The following NR2E1 variants were observed in gnomAD, a reference collection of about 807,000 sequenced individuals.
NR2E1 encodes nuclear receptor subfamily 2 group E member 1, also known as nuclear receptor TLX.
NR2E1 carries 5 observed loss-of-function variants against 43.6 expected under a neutral mutation model. The ratio of observed to expected loss-of-function variants is 0.11; its 90% CI spans 0.06 to 0.24. The LOEUF is 0.24. Ranked by LOEUF, NR2E1 falls within the 10% of genes least tolerant of loss-of-function variation. NR2E1 has a pLI of 1.00. For missense variants in NR2E1, 287 were observed against 496.7 expected (o/e 0.58, Z 4.01); for synonymous variants, 191 against 195.5 (o/e 0.98, Z 0.19).
At chr6:108,174,367 G>A (rs1773860977) in intron 2 of NR2E1, among the ~76,000 whole-genome samples, 1 of 152,180 alleles carries the variant, frequency 6.6e-6, no homozygotes, top group Non-Finnish European at 1.5e-5. Context: ...AATCGTTGGT[G>A]GGAGGGCGGT....
intron 2 of NR2E1, among the ~76,000 whole-genome samples, chr6:108,173,158 A>G (rs887715497): frequency 1.3e-5 from 2 of 152,220 alleles, no homozygotes; most frequent in Non-Finnish European, 2.9e-5. Context: ...AGGAGAGTAA[A>G]TGATCAGAGC....
chr6:108,176,411 T>G (rs1773897753), intron 3 of NR2E1, 92 bp from the exon 4 acceptor site: 5 of 1,336,208 alleles, frequency 3.7e-6, no homozygotes, highest in Non-Finnish European at 5.3e-6. Flanking sequence ...CCGCCCAGAC[T>G]TGACATTGGG....
chr6:108,166,464 C>T lies in NR2E1; in HGVS notation c.-302C>T. On this transcript the variant is annotated 5_prime_UTR_variant, in exon 1 of 9. Transcript: ENST00000368986. This position sits in a 1 kb window ranked among gnomAD's most constrained non-coding sequence, Gnocchi z 7.2. The stretch of plus-strand genomic sequence containing the variant: ...TCTCTTGCTGTTCTTCCTTCTTCCT[C>T]AGTCTTCCTGTCCATCTCTCCATCT... 1 of 383,934 alleles carries T rather than the reference C, an allele frequency of 2.6e-6. No individual in the cohort carries two copies. Among genetic ancestry groups the T allele is most frequent in the South Asian group, 6.2e-5 (1 of 16,096 alleles). 23.8% of individuals were successfully genotyped at this position (383,934 alleles called of 1,614,324 possible). A position where few individuals can be genotyped will look rare whatever the true frequency, so the allele number is the denominator to read the frequency against.
At chr6:108,173,934 T>A (rs956718420) in intron 2 of NR2E1, among the ~76,000 whole-genome samples, 1 of 152,236 alleles carries the variant, frequency 6.6e-6, no homozygotes, top group Non-Finnish European at 1.5e-5. Context: ...TTCTCATGCA[T>A]CTCAGATAAA....
chr6:108,181,023 TCGAAGTCTGAA>T (rs1773976047), intron 7 of NR2E1, 67 bp downstream of exon 7: 1 of 1,539,676 alleles, frequency 6.5e-7, no homozygotes, highest in African/African-American at 1.4e-5. Context: ...TTCAGCCACC[TCGAAGTCTGAA>T]CTGACCTTTG....
At chr6:108,167,983 A>G (rs1773738915) in intron 1 of NR2E1, 1 of 1,553,122 alleles carries the variant, frequency 6.4e-7, no homozygotes, top group Non-Finnish European at 8.7e-7. Context: ...GCTGACCTTT[A>G]AAAAATTAGA....
Position 108,176,362 on chromosome 6 carries a change from C to G in NR2E1, c.260-141C>G. 3 of 699,226 alleles carry G rather than the reference C, an allele frequency of 4.3e-6. No individual in the cohort carries two copies. The South Asian group carries it at 5.2e-5, about 12-fold the overall frequency. The allele number at this position is 699,226 out of a possible 1,614,324, so 43.3% of individuals were successfully genotyped here. A position where few individuals can be genotyped will look rare whatever the true frequency, so the allele number is the denominator to read the frequency against. Reference sequence around the variant, plus strand: ...TCAGAATCCCTTCCTCCCTCAGATTCCCTCTCCCTTCTTCTTTTCACCTCT... The same window carrying G: ...TCAGAATCCCTTCCTCCCTCAGATTGCCTCTCCCTTCTTCTTTTCACCTCT... On this transcript the variant is annotated intron_variant, in intron 3 of 8. Transcript: ENST00000368986.
intron 8 of NR2E1, among the ~76,000 whole-genome samples, chr6:108,183,629 A>T (rs1169079020): frequency 6.6e-6 from 1 of 152,006 alleles, no homozygotes; most frequent in African/African-American, 2.4e-5. Flanking sequence ...TCCCAAGTCA[A>T]CTCTGTCCAT....
At chr6:108,181,487 T>C (rs1370951405) in intron 7 of NR2E1, 59 bp from the exon 8 acceptor site, 3 of 1,429,344 alleles carry the variant, frequency 2.1e-6, no homozygotes, top group Non-Finnish European at 3.0e-6. Flanking sequence ...AGCACTGCGC[T>C]CGGCTCCCAG....
At chr6:108,174,677 A>T (rs571293984) in intron 2 of NR2E1, among the ~76,000 whole-genome samples, 159 bp from the exon 3 acceptor site, 23 of 152,138 alleles carry the variant, frequency 1.5e-4, no homozygotes, top group African/African-American at 5.3e-4. Flanking sequence ...GGCCCTGCTC[A>T]TGCCCAAGGC....
At chr6:108,168,277 G>A in intron 1 of NR2E1, 2 of 1,128,962 alleles carry the variant, frequency 1.8e-6, no homozygotes, top group Non-Finnish European at 2.5e-6. Flanking sequence ...ACTGAAGCCC[G>A]TGGGTCTCGG....
rs994155705 is a variant in NR2E1 at position 108,169,588 on chromosome 6, A to C, written c.26-1870A>C. ...GTGTTAAGCAGAGGATGGTTGTAAGATATGGAAACCAAGTTTACCGCTTCC... is the reference window on the plus strand; with the variant it reads ...GTGTTAAGCAGAGGATGGTTGTAAGCTATGGAAACCAAGTTTACCGCTTCC... On this transcript the variant is annotated intron_variant, in intron 1 of 8. Coordinates refer to ENST00000368986, the MANE Select transcript of NR2E1 (RefSeq NM_003269.5). This position sits in a 1 kb window ranked among gnomAD's most constrained non-coding sequence, Gnocchi z 6.1. Among the ~76,000 whole-genome samples the C allele has an allele frequency of 2.0e-5, 3 of 152,134 alleles. No homozygotes were observed. The East Asian group carries it at 5.8e-4, about 29-fold the overall frequency.
At chr6:108,175,095 C>A (rs1407530060) in intron 3 of NR2E1, among the ~76,000 whole-genome samples, 172 bp downstream of exon 3, 2 of 152,212 alleles carry the variant, frequency 1.3e-5, no homozygotes, top group Non-Finnish European at 2.9e-5. Flanking sequence ...CAGCAGGAGC[C>A]GCTGGCGACC....
Position 108,166,675 on chromosome 6 carries a change from C to T in NR2E1, c.-91C>T. 12 of 1,145,392 alleles carry T rather than the reference C, an allele frequency of 1.0e-5. No homozygotes were observed. Among genetic ancestry groups the T allele is most frequent in the Non-Finnish European group, 1.4e-5 (12 of 842,500 alleles). 71.0% of individuals were successfully genotyped at this position (1,145,392 alleles called of 1,614,324 possible). On this transcript the variant is annotated 5_prime_UTR_variant, in exon 1 of 9. Transcript: ENST00000368986. The surrounding 1 kb of genome is among the most constrained non-coding windows in gnomAD (Gnocchi z 7.2). ...AGGAGCCTTGCAGGCTGGAGGGCAG[C>T]TGGAGAGCGGCGGCGCCCGGCGGCG...
At chr6:108,175,058 G>T (rs1773874097) in intron 3 of NR2E1, 135 bp downstream of exon 3, 1 of 805,270 alleles carries the variant, frequency 1.2e-6, no homozygotes, top group Admixed American at 2.0e-5. Flanking sequence ...TTGGCCTCGG[G>T]CTTTCAGTCG....
At chr6:108,167,939 G>A (rs1773738256) in intron 1 of NR2E1, 1 of 1,426,630 alleles carries the variant, frequency 7.0e-7, no homozygotes, top group Non-Finnish European at 9.4e-7. Context: ...CCTCCAAGAA[G>A]GAGGTTGTGT....
chr6:108,178,144 C>T lies in NR2E1; in HGVS notation c.545C>T (p.Thr182Met), dbSNP rs555952873. Reference sequence around the variant, plus strand: ...CCAATGTATCTCTATGAAGTGGCCACGGAGTCGGTGTGTGAATCAGCTGCC... The same window carrying T: ...CCAATGTATCTCTATGAAGTGGCCATGGAGTCGGTGTGTGAATCAGCTGCC... ...GTPMYLYEVA[T>M]ESVCESAARL... The change falls in exon 5 of 9, where the codon ACG becomes ATG. Residue 182 changes from threonine to methionine, a missense_variant. Physicochemically the swap from Thr to Met is moderately conservative, Grantham distance 81. Around this residue, in one of 4 missense-constraint regions of NR2E1, gnomAD observed 119 missense variants for 155.7 expected, o/e 0.76. Transcript: ENST00000368986. 1.9e-5 allele frequency: 31 copies of T among 1,614,170 alleles called. No homozygotes were observed. Among genetic ancestry groups the T allele is most frequent in the East Asian group, 4.5e-5 (2 of 44,884 alleles).
intron 8 of NR2E1, among the ~76,000 whole-genome samples, chr6:108,184,882 A>C (rs1774049023): frequency 6.6e-6 from 1 of 152,248 alleles, no homozygotes; most frequent in African/African-American, 2.4e-5. Flanking sequence ...AGAATAGTAA[A>C]TATCAAATAA....
rs954254830 is a variant in NR2E1 at position 108,187,564 on chromosome 6, G to A, written c.*101G>A. ...ACAAACCCTTCAGGAAGCATATACC[G>A]GGGAATGTGTAGCCTTCAGGAAAAA... On this transcript the variant is annotated 3_prime_UTR_variant, in exon 9 of 9. Transcript: ENST00000368986. 17 of 1,328,480 alleles carry A rather than the reference G, an allele frequency of 1.3e-5. No homozygotes were observed. Among genetic ancestry groups the A allele is most frequent in the South Asian group, 1.1e-4 (9 of 84,754 alleles). 82.3% of individuals were successfully genotyped at this position (1,328,480 alleles called of 1,614,324 possible).
Sources: allele counts gnomAD v4.1 joint callset (sites outside exome capture counted in the v4.1 genomes callset), GRCh38; gene constraint gnomAD v4.1.1; regional missense constraint gnomAD v4.1.1; non-coding constraint Gnocchi (gnomAD v3.1); transcripts MANE v1.5; gene names NCBI Gene and HGNC (gene_info 2026-07-23, HGNC 2026-07-21).